Variants in TNFSF12 observed in about 807,000 individuals in gnomAD.
The protein encoded by TNFSF12 is tumor necrosis factor ligand superfamily member 12.
Under a neutral mutation model 31.2 loss-of-function variants are expected in TNFSF12, and 16 were observed. That is an observed-to-expected ratio of 0.51 (90% CI 0.35 to 0.78). The LOEUF (loss-of-function observed/expected upper bound fraction) is 0.78, where lower values mean the gene tolerates loss of function less well. TNFSF12 is among the 30% of genes least tolerant of loss of function. TNFSF12 has a pLI of 0.01. For synonymous variants in TNFSF12, 150 were observed against 151.4 expected (o/e 0.99, Z 0.07); for missense variants, 324 against 338.8 (o/e 0.96, Z 0.34).
rs755530522 is a variant in TNFSF12, at chr17:7,556,884, C to T, written c.480C>T (p.Leu160=). The change falls in exon 6 of 7, where the codon CTC becomes CTT. Residue 160 remains leucine (L), a synonymous_variant. Coordinates refer to ENST00000293825, the MANE Select transcript of TNFSF12 (RefSeq NM_003809.3). ...AGTTTATAGTCACCCGGGCTGGGCT[C>T]TACTACCTGTACTGTCAGGTAAGCC... ...IGEFIVTRAG[L]YYLYCQVHFD... 3.9e-6 allele frequency: 6 copies of T among 1,535,220 alleles called. No individual in the cohort carries two copies. In the South Asian group the frequency reaches 6.3e-5, roughly 16 times the overall value.
intron 5 of TNFSF12, among the ~76,000 whole-genome samples, chr17:7,551,506 G>A (rs1351514448): frequency 2.0e-5 from 3 of 152,032 alleles, no homozygotes; most frequent in Non-Finnish European, 4.4e-5. Context: ...TCTCTTCGTG[G>A]TCTGGTCTCA....
At chr17:7,553,851 A>T (rs1017510000) in intron 5 of TNFSF12, 1 of 1,106,574 alleles carries the variant, frequency 9.0e-7, no homozygotes, top group Non-Finnish European at 1.1e-6. Context: ...TGCTGGGGGG[A>T]GATGAGGGAA....
chr17:7,556,215 A>C (rs1038276865), intron 5 of TNFSF12, among the ~76,000 whole-genome samples: 6 of 152,066 alleles, frequency 3.9e-5, no homozygotes, highest in African/African-American at 1.4e-4. Context: ...TCCCGACCTC[A>C]GGTGATCCGC....
Position 7,557,774 on chromosome 17 carries a change from G to T in TNFSF12, c.*424G>T, listed in dbSNP as rs879162219. On this transcript the variant is annotated 3_prime_UTR_variant, in exon 7 of 7. Coordinates refer to ENST00000293825, the MANE Select transcript of TNFSF12 (RefSeq NM_003809.3). The surrounding 1 kb of genome is among the most constrained non-coding windows in gnomAD (Gnocchi z 5.2). ...CCAGGAGTTCCCAAATGTGAGGGGC[G>T]AGAAACAAGACAAGCTCCTCCCTTG... 1 of 176,448 alleles carries T rather than the reference G, an allele frequency of 5.7e-6. No individual in the cohort carries two copies. The highest frequency in any genetic ancestry group is 6.1e-5 in the Admixed American group (1 of 16,294). The allele number at this position is 176,448 out of a possible 1,614,324, so 10.9% of individuals were successfully genotyped here.
At position 7,550,666 on chromosome 17, in the gene TNFSF12, T is replaced by G; in HGVS notation, c.284-133T>G. Reference sequence around the variant, plus strand: ...TCTACTTACTGAGGAAGATGAGGCCTGAGATTCTAAGGCCAGGAGTCTGGA... The same window carrying G: ...TCTACTTACTGAGGAAGATGAGGCCGGAGATTCTAAGGCCAGGAGTCTGGA... On this transcript the variant is annotated intron_variant, in intron 3 of 6. Coordinates refer to ENST00000293825, the MANE Select transcript of TNFSF12 (RefSeq NM_003809.3). This position sits in a 1 kb window ranked among gnomAD's most constrained non-coding sequence, Gnocchi z 4.4. The G allele has an allele frequency of 1.7e-5, 23 of 1,367,108 alleles. No individual in the cohort carries two copies. Among genetic ancestry groups the G allele is most frequent in the Non-Finnish European group, 2.0e-5 (20 of 1,000,868 alleles). 84.7% of individuals were successfully genotyped at this position (1,367,108 alleles called of 1,614,324 possible). A position where few individuals can be genotyped will look rare whatever the true frequency, so the allele number is the denominator to read the frequency against.
At position 7,549,293 on chromosome 17, in the gene TNFSF12, G is replaced by A. The variant is rs1466365424; in HGVS notation, c.140G>A (p.Arg47Gln). ...CTGGCCGTGGTCAGTTTGGGGAGCC[G>A]GGCATCGCTGTCCGCCCAGGTGAGG... ...LLLAVVSLGS[R>Q]ASLSAQEPAQ... is the part of the protein sequence containing the mutation. Residue 47 changes from arginine (R) to glutamine (Q), a missense_variant, in exon 1 of 7, where the codon CGG becomes CAG. Arg to Gln is a conservative substitution (Grantham distance 43). Coordinates refer to ENST00000293825, the MANE Select transcript of TNFSF12 (RefSeq NM_003809.3). The surrounding 1 kb of genome is among the most constrained non-coding windows in gnomAD (Gnocchi z 4.1). The A allele has an allele frequency of 2.2e-5, 31 of 1,394,264 alleles. 1 individual carries two copies. In the Admixed American group the frequency reaches 9.1e-4, roughly 41 times the overall value. 86.4% of individuals were successfully genotyped at this position (1,394,264 alleles called of 1,614,324 possible). A position where few individuals can be genotyped will look rare whatever the true frequency, so the allele number is the denominator to read the frequency against.
intron 5 of TNFSF12, among the ~76,000 whole-genome samples, chr17:7,554,335 A>C (rs1215410517): frequency 1.1e-5 from 1 of 95,094 alleles, no homozygotes; most frequent in African/African-American, 4.0e-5. Flanking sequence ...TTTTTTTGAG[A>C]TGGAGTCTCA....
At chr17:7,551,315 C>A (rs1227421494) in intron 5 of TNFSF12, among the ~76,000 whole-genome samples, 1 of 152,114 alleles carries the variant, frequency 6.6e-6, no homozygotes, top group African/African-American at 2.4e-5. Context: ...GTCTGCTCAT[C>A]TTTTCCATTT....
rs1341362388 is a variant in TNFSF12 at position 7,557,059 on chromosome 17, CA to C, written c.499-39del. The C allele has an allele frequency of 6.3e-7, 1 of 1,576,544 alleles. No individual in the cohort carries two copies. The highest frequency in any genetic ancestry group is 1.1e-5 in the South Asian group (1 of 87,268). Reference sequence around the variant, plus strand: ...AGGAAATTGGAAATTGAGGCGAGGGCAGGCAGAGGCCTGGACTCGGCCTGTT... The same window carrying C: ...AGGAAATTGGAAATTGAGGCGAGGGCGGCAGAGGCCTGGACTCGGCCTGTT... On this transcript the variant is annotated intron_variant, in intron 6 of 6. Transcript: ENST00000293825. The surrounding 1 kb of genome is among the most constrained non-coding windows in gnomAD (Gnocchi z 5.2).
chr17:7,551,808 A>T (rs1006909796), intron 5 of TNFSF12, among the ~76,000 whole-genome samples: 1 of 152,096 alleles, frequency 6.6e-6, no homozygotes, highest in African/African-American at 2.4e-5. Flanking sequence ...TATTTTTTTT[A>T]AGACAGTCTC....
intron 5 of TNFSF12, chr17:7,553,911 CAGG>C (rs1251259801): frequency 9.8e-7 from 1 of 1,015,738 alleles, no homozygotes; most frequent in Non-Finnish European, 1.2e-6. Context: ...GAGATGGAGA[CAGG>C]AGATTTGAGG....
At chr17:7,551,100 C>T in intron 5 of TNFSF12, 122 bp downstream of exon 5, 1 of 1,525,932 alleles carries the variant, frequency 6.6e-7, no homozygotes, top group South Asian at 1.2e-5. Flanking sequence ...TCATGAAGGT[C>T]TTGGTTCTCT....
Position 7,550,708 on chromosome 17 carries a change from A to G in TNFSF12, c.284-91A>G, listed in dbSNP as rs2070991011. 1 of 1,539,066 alleles carries G rather than the reference A, an allele frequency of 6.5e-7. No individual in the cohort carries two copies. The highest frequency in any genetic ancestry group is 1.2e-5 in the South Asian group (1 of 83,126). ...GAGTCTGGACAAGAATAAGGATGCC[A>G]GGGTTCCTGAGAGGGGAATGGGGCT... On this transcript the variant is annotated intron_variant, in intron 3 of 6. Coordinates refer to ENST00000293825, the MANE Select transcript of TNFSF12 (RefSeq NM_003809.3). This position sits in a 1 kb window ranked among gnomAD's most constrained non-coding sequence, Gnocchi z 4.4.
Position 7,550,767 on chromosome 17 carries a change from G to A in TNFSF12, c.284-32G>A, listed in dbSNP as rs970019867. The A allele has an allele frequency of 6.9e-6, 11 of 1,598,126 alleles. No homozygotes were observed. Among genetic ancestry groups the A allele is most frequent in the Middle Eastern group, 1.7e-4 (1 of 6,030 alleles). Reference sequence around the variant, plus strand: ...TGCTCTGGGACCCCCACTAGGGCCCGCTTTGCTCATCTGTCTTTCCTTGAT... The same window carrying A: ...TGCTCTGGGACCCCCACTAGGGCCCACTTTGCTCATCTGTCTTTCCTTGAT... On this transcript the variant is annotated intron_variant, in intron 3 of 6. Transcript: ENST00000293825. The surrounding 1 kb of genome is among the most constrained non-coding windows in gnomAD (Gnocchi z 4.4).
chr17:7,553,640 G>T, intron 5 of TNFSF12: 1 of 1,304,220 alleles, frequency 7.7e-7, no homozygotes, highest in Non-Finnish European at 1.0e-6. Context: ...GTGGAGCCAA[G>T]ATTTGAACCC....
At chr17:7,555,973 G>GTTTTTTGTTTTTTTTTTTTTTTTT (rs1555564686) in intron 5 of TNFSF12, among the ~76,000 whole-genome samples, 58 of 70,904 alleles carry the variant, frequency 8.2e-4, no homozygotes, top group Non-Finnish European at 1.1e-3. Context: ...CCCAGTGAGC[G>GTTTTTTGTTTTTTTTTTTTTTTTT]TTTTTTTTGT....
intron 5 of TNFSF12, among the ~76,000 whole-genome samples, chr17:7,555,982 G>GTTTTTTTTTTTTTT (rs1167470187): frequency 4.2e-5 from 5 of 117,734 alleles, no homozygotes; most frequent in African/African-American, 9.0e-5. Context: ...CGTTTTTTTT[G>GTTTTTTTTTTTTTT]TTTTTTTTTT....
At position 7,555,982 on chromosome 17, in the gene TNFSF12, GTTTTTT is replaced by G. The variant is rs1167470187; in HGVS notation, c.374-786_374-781del. On this transcript the variant is annotated intron_variant, in intron 5 of 6. Transcript: ENST00000293825. ...AAAATGCCCAGTGAGCGTTTTTTTT[GTTTTTT>G]TTTTTTTTTGGAGACAGAGTCTAGC... Among the ~76,000 whole-genome samples the G allele has an allele frequency of 3.4e-5, 4 of 117,734 alleles. 1 individual carries two copies. The highest frequency in any genetic ancestry group is 1.2e-4 in the African/African-American group (4 of 33,280). The allele number at this position is 117,734 out of a possible 152,430, so 77.2% of individuals were successfully genotyped here. A position where few individuals can be genotyped will look rare whatever the true frequency, so the allele number is the denominator to read the frequency against.
chr17:7,557,329 C>T lies in TNFSF12; in HGVS notation c.729C>T (p.Phe243=), dbSNP rs200770110. 218 of 1,606,576 alleles carry T rather than the reference C, an allele frequency of 1.4e-4. No homozygotes were observed. Among genetic ancestry groups the T allele is most frequent in the South Asian group, 7.2e-4 (65 of 90,358 alleles). The part of the protein sequence containing the change: ...HLKAAPFLTY[F]GLFQVH ...AGGCTGCCCCCTTCCTCACCTACTT[C>T]GGACTCTTCCAGGTTCACTGAGGGG... is the stretch of plus-strand genomic sequence containing the variant. The change falls in exon 7 of 7, where the codon TTC becomes TTT. Residue 243 remains phenylalanine, a synonymous_variant. Transcript: ENST00000293825. This position sits in a 1 kb window ranked among gnomAD's most constrained non-coding sequence, Gnocchi z 5.2.
Sources: gnomAD v4.1 joint callset for allele counts (sites outside exome capture counted in the v4.1 genomes callset) on GRCh38, gnomAD v4.1.1 for gene constraint, Gnocchi (gnomAD v3.1) non-coding constraint, MANE v1.5 for transcripts, NCBI Gene and HGNC (gene_info 2026-07-23, HGNC 2026-07-21) for gene names.